RTL4: variants seen among roughly 807,000 people sequenced by gnomAD.
RTL4 encodes retrotransposon Gag-like protein 4.
In RTL4, 4 loss-of-function variants were observed where a neutral mutation model predicts 5.3. The observed-to-expected ratio is 0.75, with a 90% CI of 0.37 to 1.72. The LOEUF is 1.72. Among genes scored for constraint, RTL4 ranks in the 40% most tolerant of loss-of-function variants. RTL4 has a pLI of 0.04. For synonymous variants in RTL4, 98 were observed against 87.3 expected (o/e 1.12, Z -0.68); for missense variants, 260 against 227.1 (o/e 1.14, Z -0.93).
the RTL4 span, chrX:112,381,314 A>G: frequency 5.0e-6 from 6 of 1,210,266 alleles, no homozygotes; most frequent in Non-Finnish European, 6.7e-6. Flanking sequence ...ACCGTATCAT[A>G]GTCTAATAAA....
At chrX:112,213,399 A>G in the RTL4 span, among the ~76,000 whole-genome samples, 1 of 112,714 alleles carries the variant, frequency 8.9e-6, no homozygotes, top group Non-Finnish European at 1.9e-5. Context: ...TACCACTATC[A>G]TAGTATGAGA....
chrX:112,414,533 G>T, the RTL4 span, among the ~76,000 whole-genome samples: 1 of 110,925 alleles, frequency 9.0e-6, no homozygotes, highest in Non-Finnish European at 1.9e-5. Flanking sequence ...CTTTCTTTTT[G>T]AAATGTCTAG....
the RTL4 span, among the ~76,000 whole-genome samples, chrX:112,439,821 C>A: frequency 9.0e-6 from 1 of 111,467 alleles, no homozygotes; most frequent in South Asian, 3.8e-4. Context: ...TGCTGGCTCC[C>A]CTTCTCTTTC....
chrX:112,390,062 T>C, the RTL4 span, among the ~76,000 whole-genome samples: 7 of 84,852 alleles, frequency 8.2e-5, no homozygotes, highest in African/African-American at 3.1e-4. Flanking sequence ...TCTAAGGATT[T>C]GCTTTATGAA....
chrX:112,265,509 C>T, the RTL4 span, among the ~76,000 whole-genome samples: 415 of 112,091 alleles, frequency 3.7e-3, 3 homozygotes, highest in African/African-American at 0.013. Flanking sequence ...TTGAGATCTT[C>T]AGGGACAGGA....
the RTL4 span, among the ~76,000 whole-genome samples, chrX:112,334,428 G>A: frequency 1.8e-5 from 2 of 111,529 alleles, no homozygotes; most frequent in African/African-American, 3.3e-5. Context: ...CAGTGTACAG[G>A]GTTCCCTTTC....
the RTL4 span, among the ~76,000 whole-genome samples, chrX:112,116,823 A>G: frequency 1.8e-5 from 2 of 111,879 alleles, no homozygotes; most frequent in Non-Finnish European, 3.8e-5. Context: ...CCTGTAGAAC[A>G]GCAGAAATCA....
the RTL4 span, among the ~76,000 whole-genome samples, chrX:112,092,395 T>A: frequency 0.1 from 11,203 of 111,635 alleles, 995 homozygotes; most frequent in African/African-American, 0.29. Context: ...TTCTTGCTCA[T>A]ATATTCATGC....
the RTL4 span, among the ~76,000 whole-genome samples, chrX:112,434,902 C>G: frequency 9.0e-6 from 1 of 111,254 alleles, no homozygotes; most frequent in Non-Finnish European, 1.9e-5. Context: ...TTAATTGACT[C>G]ACAGTTCTGC....
At chrX:112,344,291 T>C in the RTL4 span, among the ~76,000 whole-genome samples, 1 of 111,823 alleles carries the variant, frequency 8.9e-6, no homozygotes, top group Non-Finnish European at 1.9e-5. Context: ...AGTTAAACCA[T>C]ACAAAATTGC....
the RTL4 span, among the ~76,000 whole-genome samples, chrX:112,133,097 G>T: frequency 2.7e-5 from 3 of 111,929 alleles, no homozygotes; most frequent in Non-Finnish European, 5.6e-5. Flanking sequence ...GCGGCATATA[G>T]GAAAGAATGT....
chrX:112,353,052 C>T, the RTL4 span, among the ~76,000 whole-genome samples: 1 of 111,933 alleles, frequency 8.9e-6, no homozygotes, highest in Non-Finnish European at 1.9e-5. Flanking sequence ...CAAAAGAAGA[C>T]ATTTATGCAG....
At chrX:112,238,437 A>G in the RTL4 span, among the ~76,000 whole-genome samples, 3 of 111,699 alleles carry the variant, frequency 2.7e-5, no homozygotes, top group Non-Finnish European at 3.8e-5. Flanking sequence ...TCTTAAAACT[A>G]TGCCCAAATA....
At chrX:112,223,568 G>T in the RTL4 span, among the ~76,000 whole-genome samples, 3 of 111,925 alleles carry the variant, frequency 2.7e-5, no homozygotes, top group Non-Finnish European at 5.6e-5. Context: ...GGAGGCCACA[G>T]CCCCCAGCTC....
the RTL4 span, among the ~76,000 whole-genome samples, chrX:112,324,267 CT>C: frequency 1.8e-5 from 2 of 112,228 alleles, no homozygotes; most frequent in Non-Finnish European, 3.8e-5. Context: ...TACCTTATTT[CT>C]TTTTGTGGCT....
At chrX:112,419,349 T>C in the RTL4 span, among the ~76,000 whole-genome samples, 1 of 24,020 alleles carries the variant, frequency 4.2e-5, no homozygotes, top group Non-Finnish European at 1.0e-4. Flanking sequence ...TTTTTTTTTT[T>C]TTTTTTTTTT....
At chrX:112,372,730 C>T in the RTL4 span, among the ~76,000 whole-genome samples, 4 of 111,828 alleles carry the variant, frequency 3.6e-5, no homozygotes, top group African/African-American at 1.3e-4. Context: ...GGAGACTTCC[C>T]TAAAAGAGAG....
chrX:112,445,705 A>G, the RTL4 span, among the ~76,000 whole-genome samples: 1 of 111,891 alleles, frequency 8.9e-6, no homozygotes, highest in East Asian at 2.8e-4. Flanking sequence ...ATGTTGCTTC[A>G]GCTTCAGTAA....
chrX:112,448,800 T>G, the RTL4 span, among the ~76,000 whole-genome samples: 1 of 111,822 alleles, frequency 8.9e-6, no homozygotes, highest in Non-Finnish European at 1.9e-5. Flanking sequence ...TTCACTTGAC[T>G]TAATATCTCA....
Sources: allele counts gnomAD v4.1 joint callset (sites outside exome capture counted in the v4.1 genomes callset), GRCh38; gene constraint gnomAD v4.1.1; transcripts MANE v1.5; gene names NCBI Gene and HGNC (gene_info 2026-07-23, HGNC 2026-07-21).